The following TCF3 variants were observed in gnomAD, a reference collection of about 807,000 sequenced individuals.
The protein encoded by TCF3 is transcription factor 3, also known as transcription factor E2-alpha.
Under a neutral mutation model 72.3 loss-of-function variants are expected in TCF3, and 54 were observed. The ratio of observed to expected loss-of-function variants is 0.75; its 90% confidence interval spans 0.60 to 0.94. The LOEUF (loss-of-function observed/expected upper bound fraction) is 0.94. Among genes scored for constraint, TCF3 ranks in the 40% least tolerant of loss-of-function variants. The probability of loss-of-function intolerance (pLI) is 0.00; values close to 1 mark genes in which losing one functional copy is unlikely to be tolerated. For synonymous variants in TCF3, 525 were observed against 412.6 expected (o/e 1.27, Z -3.30); for missense variants, 1,078 against 934.4 (o/e 1.15, Z -2.00).
At chr19:1,642,258 G>A (rs188778018) in intron 3 of TCF3, among the ~76,000 whole-genome samples, 5 of 149,586 alleles carry the variant, frequency 3.3e-5, no homozygotes, top group African/African-American at 4.9e-5. Flanking sequence ...ACACACGTGC[G>A]CACACACGCA....
chr19:1,611,123 A>AG lies in TCF3; in HGVS notation c.*583dup, dbSNP rs1231705143. 2.1e-5 allele frequency: 5 copies of AG among 234,652 alleles called. No homozygotes were observed. Among genetic ancestry groups the AG allele is most frequent in the Non-Finnish European group, 4.2e-5 (5 of 119,318 alleles). The allele number at this position is 234,652 out of a possible 1,614,324, so 14.5% of individuals were successfully genotyped here. On this transcript the variant is annotated 3_prime_UTR_variant, in exon 19 of 19. Coordinates refer to ENST00000262965, the MANE Select transcript of TCF3 (RefSeq NM_003200.5). Reference sequence around the variant, plus strand: ...AAAGCTTAAAAAAACCAGAGACCAAAGGCAGCATCCTTGCTAATTTTCATC... The same window carrying AG: ...AAAGCTTAAAAAAACCAGAGACCAAAGGGCAGCATCCTTGCTAATTTTCATC...
At position 1,615,718 on chromosome 19, in the gene TCF3, C is replaced by T. The variant is rs2061488247; in HGVS notation, c.1554G>A (p.Lys518=). Residue 518 remains lysine, a synonymous_variant, in exon 17 of 19, where the codon AAG becomes AAA. Transcript: ENST00000262965. The surrounding 1 kb of genome is among the most constrained non-coding windows in gnomAD (Gnocchi z 7.3). The stretch of plus-strand genomic sequence containing the variant: ...GGGCCCGGGGGGCCTTCAGCTCCTT[C>T]TTCTCCTCCTCCGAGTGGTCAGCCG... ...TSAADHSEEE[K]KELKAPRART... is the part of the protein sequence containing the mutation. 5 of 1,613,416 alleles carry T rather than the reference C, an allele frequency of 3.1e-6. No individual in the cohort carries two copies. The South Asian group carries it at 3.3e-5, about 11-fold the overall frequency.
At chr19:1,645,074 C>G (rs567045884) in intron 3 of TCF3, among the ~76,000 whole-genome samples, 1 of 152,210 alleles carries the variant, frequency 6.6e-6, no homozygotes, top group South Asian at 2.1e-4. Flanking sequence ...CAGTGTGAGG[C>G]AGTGGGGGCA....
rs1391318685 is a variant in TCF3, at chr19:1,609,927, TCCA to T, written c.*1777_*1779del. The T allele has an allele frequency of 4.3e-6, 1 of 231,942 alleles. No homozygotes were observed. The highest frequency in any genetic ancestry group is 8.5e-6 in the Non-Finnish European group (1 of 117,692). 14.4% of individuals were successfully genotyped at this position (231,942 alleles called of 1,614,324 possible). ...GGGATGAACACAGCCAGCCCAGGGG[TCCA>T]CAAGGCCTCAATGCAGGGAGGGGCA... is the stretch of plus-strand genomic sequence containing the variant. On this transcript the variant is annotated 3_prime_UTR_variant, in exon 19 of 19. Transcript: ENST00000262965.
intron 13 of TCF3, among the ~76,000 whole-genome samples, chr19:1,620,114 T>G (rs547102762): frequency 7.8e-4 from 118 of 152,252 alleles, no homozygotes; most frequent in African/African-American, 2.6e-3. Context: ...ACTCAGAGGA[T>G]AAAGTGGCTC....
intron 2 of TCF3, among the ~76,000 whole-genome samples, chr19:1,646,821 G>A (rs940555178): frequency 6.6e-6 from 1 of 152,234 alleles, no homozygotes; most frequent in African/African-American, 2.4e-5. Flanking sequence ...TTTCAGCTCT[G>A]AAAAGTGAGA....
At chr19:1,622,248 G>A in intron 9 of TCF3, 25 bp from the exon 10 acceptor site, 1 of 1,515,722 alleles carries the variant, frequency 6.6e-7, no homozygotes, top group African/African-American at 1.4e-5. Context: ...TGGTAAGGTG[G>A]GGGCCGAGTG....
intron 3 of TCF3, 83 bp downstream of exon 3, chr19:1,646,272 C>A: frequency 7.1e-7 from 1 of 1,414,532 alleles, no homozygotes; most frequent in South Asian, 1.3e-5. Context: ...TTTGCTGCCC[C>A]AGCCTCCCTC....
chr19:1,613,165 T>A (rs1262777047), intron 18 of TCF3, among the ~76,000 whole-genome samples: 1 of 152,170 alleles, frequency 6.6e-6, no homozygotes, highest in Non-Finnish European at 1.5e-5. Context: ...ATGTGTGTGT[T>A]GTCACATGCG....
chr19:1,618,177 C>T (rs2061745305), intron 16 of TCF3, among the ~76,000 whole-genome samples: 1 of 152,090 alleles, frequency 6.6e-6, no homozygotes, highest in Non-Finnish European at 1.5e-5. Flanking sequence ...CAGTGTCACC[C>T]ACAGCTCGGG....
At chr19:1,619,676 G>A (rs2146012235) in intron 14 of TCF3, 104 bp downstream of exon 14, 1 of 1,302,312 alleles carries the variant, frequency 7.7e-7, no homozygotes, top group South Asian at 1.3e-5. Context: ...AACAGCTTGG[G>A]GCTTATTTAC....
chr19:1,633,921 G>T (rs1303105372), intron 3 of TCF3, among the ~76,000 whole-genome samples: 1 of 152,200 alleles, frequency 6.6e-6, no homozygotes, highest in Non-Finnish European at 1.5e-5. Context: ...CCTGCATGTT[G>T]TCTGGTCCCC....
At position 1,622,419 on chromosome 19, in the gene TCF3, C is replaced by CAACCCGGGG; in HGVS notation, c.550-5_550-4insCCCCGGGTT. 1 of 459,822 alleles carries CAACCCGGGG rather than the reference C, an allele frequency of 2.2e-6. No individual in the cohort carries two copies. Among genetic ancestry groups the CAACCCGGGG allele is most frequent in the Non-Finnish European group, 3.7e-6 (1 of 267,750 alleles). The allele number at this position is 459,822 out of a possible 1,614,324, so 28.5% of individuals were successfully genotyped here. ...CACCTGAGCTGGGTGGGTACACCTG[C>CAACCCGGGG]GGGCGGGTGGGCGGTGGGGGGTGCA... On this transcript the variant is annotated splice_region_variant and splice_polypyrimidine_tract_variant and intron_variant, in intron 8 of 18. Transcript: ENST00000262965.
At chr19:1,627,246 T>C (rs1437133316) in intron 6 of TCF3, 113 bp downstream of exon 6, 6 of 450,864 alleles carry the variant, frequency 1.3e-5, no homozygotes, top group Middle Eastern at 7.0e-4. Context: ...GGTTTCGCTA[T>C]CAGGAAGCAA....
At chr19:1,631,978 C>T in intron 5 of TCF3, 60 bp downstream of exon 5, 3 of 1,583,826 alleles carry the variant, frequency 1.9e-6, no homozygotes, top group South Asian at 1.2e-5. Context: ...CTGACCATGC[C>T]AAGGCCCACG....
intron 16 of TCF3, among the ~76,000 whole-genome samples, chr19:1,616,316 T>C (rs192964800): frequency 2.6e-4 from 39 of 151,740 alleles, no homozygotes; most frequent in African/African-American, 8.2e-4. Flanking sequence ...CTACTAAAAA[T>C]ACAAAAAATT....
Position 1,615,693 on chromosome 19 carries a change from G to C in TCF3, c.1579C>G (p.Arg527Gly), listed in dbSNP as rs767665186. The C allele has an allele frequency of 3.1e-6, 5 of 1,613,202 alleles. No individual in the cohort carries two copies. The highest frequency in any genetic ancestry group is 1.1e-5 in the South Asian group (1 of 91,028). Residue 527 changes from arginine (R) to glycine (G), a missense_variant, in exon 17 of 19, where the codon CGG (arginine) becomes GGG (glycine). Coordinates refer to ENST00000262965, the MANE Select transcript of TCF3 (RefSeq NM_003200.5). The surrounding 1 kb of genome is among the most constrained non-coding windows in gnomAD (Gnocchi z 7.3). Reference protein sequence around the residue: ...EKKELKAPRARTSPDEDEDDL... With the variant: ...EKKELKAPRAGTSPDEDEDDL... ...CGAGGGGTGGGTTGGCACCTGGTCC[G>C]GGCCCGGGGGGCCTTCAGCTCCTTC...
chr19:1,619,288 C>T, intron 15 of TCF3, 28 bp downstream of exon 15: 1 of 1,566,922 alleles, frequency 6.4e-7, no homozygotes. Context: ...CCGCCCACTG[C>T]CCAGCTCCAC....
chr19:1,622,514 T>C, intron 8 of TCF3, 99 bp from the exon 9 acceptor site: 2 of 625,388 alleles, frequency 3.2e-6, no homozygotes, highest in Non-Finnish European at 5.2e-6. Context: ...GTAGCACATC[T>C]ACCACCCCGT....
Sources: allele counts gnomAD v4.1 joint callset (sites outside exome capture counted in the v4.1 genomes callset), GRCh38; gene constraint gnomAD v4.1.1; non-coding constraint Gnocchi (gnomAD v3.1); transcripts MANE v1.5; gene names NCBI Gene and HGNC (gene_info 2026-07-23, HGNC 2026-07-21).